Variants in CNOT4 observed in about 807,000 individuals in gnomAD.
CNOT4 encodes the protein CCR4-NOT transcription complex subunit 4.
In CNOT4, 8 loss-of-function variants were observed where a neutral mutation model predicts 73.8. That is an observed-to-expected ratio of 0.11 (90% CI 0.06 to 0.20). The LOEUF (loss-of-function observed/expected upper bound fraction) is 0.20. Among genes scored for constraint, CNOT4 ranks in the 10% least tolerant of loss-of-function variants. The pLI is 1.00. For missense variants in CNOT4, 564 were observed against 883.4 expected (o/e 0.64, Z 4.58); for synonymous variants, 293 against 321.1 (o/e 0.91, Z 0.94).
chr7:135,447,880 A>G (rs1371197861), intron 1 of CNOT4, among the ~76,000 whole-genome samples: 2 of 152,206 alleles, frequency 1.3e-5, no homozygotes, highest in African/African-American at 2.4e-5. Flanking sequence ...CTGGCTAAGA[A>G]GCAATTTATG....
intron 1 of CNOT4, among the ~76,000 whole-genome samples, chr7:135,495,063 A>T (rs1239819522): frequency 6.6e-6 from 1 of 152,222 alleles, no homozygotes; most frequent in Non-Finnish European, 1.5e-5. Context: ...CAATTTTACA[A>T]GGCAGAAAAC....
intron 10 of CNOT4, among the ~76,000 whole-genome samples, chr7:135,382,112 A>G (rs1795875740): frequency 6.6e-6 from 1 of 152,198 alleles, no homozygotes; most frequent in African/African-American, 2.4e-5. Context: ...ACATCTGGGT[A>G]CTTCAGTCCA....
At chr7:135,386,517 T>G (rs1796131481) in intron 10 of CNOT4, 1 of 152,232 alleles carries the variant, frequency 6.6e-6, no homozygotes, top group Non-Finnish European at 1.5e-5. Context: ...ATGTGTTGTA[T>G]AATTTCTTCT....
chr7:135,505,099 C>G (rs1411004798), intron 1 of CNOT4, among the ~76,000 whole-genome samples: 3 of 152,110 alleles, frequency 2.0e-5, no homozygotes, highest in African/African-American at 7.2e-5. Flanking sequence ...ATTTTAGTAG[C>G]CATACTTTAA....
chr7:135,370,154 C>A (rs1271192431), intron 10 of CNOT4, among the ~76,000 whole-genome samples: 1 of 152,190 alleles, frequency 6.6e-6, no homozygotes, highest in Non-Finnish European at 1.5e-5. Context: ...CAATACTCCA[C>A]TAGGTCACAG....
At chr7:135,447,954 G>A (rs1315230259) in intron 1 of CNOT4, among the ~76,000 whole-genome samples, 1 of 152,128 alleles carries the variant, frequency 6.6e-6, no homozygotes, top group East Asian at 1.9e-4. Context: ...AAAAAGCTGG[G>A]TGTGGTCAGA....
chr7:135,384,093 T>A (rs549515371), intron 10 of CNOT4, among the ~76,000 whole-genome samples: 2 of 152,296 alleles, frequency 1.3e-5, no homozygotes, highest in Admixed American at 1.3e-4. Flanking sequence ...TCTGGGCTTA[T>A]TCTCACAAAA....
At chr7:135,472,060 C>T (rs1156455878) in intron 1 of CNOT4, among the ~76,000 whole-genome samples, 1 of 152,050 alleles carries the variant, frequency 6.6e-6, no homozygotes, top group African/African-American at 2.4e-5. Context: ...GTAGCCCCAG[C>T]TACTTGGGGG....
At chr7:135,395,323 G>C (rs548347909) in intron 9 of CNOT4, among the ~76,000 whole-genome samples, 41 of 152,080 alleles carry the variant, frequency 2.7e-4, no homozygotes, top group African/African-American at 9.4e-4. Context: ...ACTCCAGCCT[G>C]GGCGAGAGAC....
chr7:135,372,898 G>A (rs1291592246), intron 10 of CNOT4, among the ~76,000 whole-genome samples: 2 of 152,116 alleles, frequency 1.3e-5, no homozygotes, highest in Non-Finnish European at 2.9e-5. Context: ...AAAAAAGATC[G>A]GGAAAAGGAT....
At chr7:135,497,772 T>C (rs898339451) in intron 1 of CNOT4, among the ~76,000 whole-genome samples, 1 of 152,240 alleles carries the variant, frequency 6.6e-6, no homozygotes, top group Non-Finnish European at 1.5e-5. Context: ...TACTCTCTGA[T>C]TCAAGGGAAT....
At chr7:135,371,551 G>T (rs1795204160) in intron 10 of CNOT4, among the ~76,000 whole-genome samples, 1 of 151,954 alleles carries the variant, frequency 6.6e-6, no homozygotes, top group South Asian at 2.1e-4. Context: ...AAATACAGTG[G>T]GAACATTTCA....
rs117910194 is a variant in CNOT4, at chr7:135,456,200, T to G, written c.-92-17777A>C. Among the ~76,000 whole-genome samples the G allele has an allele frequency of 8.2e-3, 1,256 of 152,320 alleles. 7 individuals carry two copies. Among genetic ancestry groups the G allele is most frequent in the Middle Eastern group, 0.031 (9 of 292 alleles). ...TTCCAATAAAACTATCTACGGACAT[T>G]GAAAACTGAATTTCAGTTAATTTTC... On this transcript the variant is annotated intron_variant, in intron 1 of 11. Coordinates refer to ENST00000541284, the MANE Select transcript of CNOT4 (RefSeq NM_001190850.2).
chr7:135,427,140 A>T (rs1000316923), intron 2 of CNOT4, among the ~76,000 whole-genome samples: 2 of 152,168 alleles, frequency 1.3e-5, no homozygotes, highest in African/African-American at 4.8e-5. Context: ...CTGCCAAATT[A>T]CTAGTTAACA....
rs2129482302 is a variant in CNOT4, at chr7:135,363,045, C to T, written c.1982G>A (p.Ser661Asn). The T allele has an allele frequency of 6.2e-7, 1 of 1,612,654 alleles. No homozygotes were observed. Among genetic ancestry groups the T allele is most frequent in the South Asian group, 1.1e-5 (1 of 90,976 alleles). The change falls in exon 12 of 12, where the codon AGC becomes AAC. Residue 661 changes from serine (S) to asparagine (N), a missense_variant. Ser to Asn is a conservative substitution (Grantham distance 46). Coordinates refer to ENST00000541284, the MANE Select transcript of CNOT4 (RefSeq NM_001190850.2). This position sits in a 1 kb window ranked among gnomAD's most constrained non-coding sequence, Gnocchi z 4.3. ...PSQTHHSAPF[S>N]TQIPLHRASW... is the part of the protein sequence containing the mutation. ...GGCTCTGTGCAGCGGGATCTGTGTG[C>T]TGAAGGGGGCGCTGTGGTGGGTCTG...
At chr7:135,492,164 T>C (rs946609923) in intron 1 of CNOT4, among the ~76,000 whole-genome samples, 2 of 152,118 alleles carry the variant, frequency 1.3e-5, no homozygotes, top group African/African-American at 2.4e-5. Flanking sequence ...AAGTCATCTA[T>C]GAGAGGGGAG....
At chr7:135,472,780 C>A (rs570148584) in intron 1 of CNOT4, among the ~76,000 whole-genome samples, 1 of 151,804 alleles carries the variant, frequency 6.6e-6, no homozygotes, top group South Asian at 2.1e-4. Flanking sequence ...TAGCTCATAC[C>A]TACAATCCTA....
chr7:135,441,870 G>C (rs1376678348), intron 1 of CNOT4, among the ~76,000 whole-genome samples: 1 of 152,146 alleles, frequency 6.6e-6, no homozygotes, highest in African/African-American at 2.4e-5. Flanking sequence ...AAGGGACAAA[G>C]GAGAAAGAAA....
chr7:135,388,450 T>C (rs1796232979), intron 10 of CNOT4: 4 of 985,976 alleles, frequency 4.1e-6, no homozygotes, highest in South Asian at 4.7e-5. Flanking sequence ...AACAAGATAC[T>C]ACCATTACCT....
Sources: allele counts gnomAD v4.1 joint callset (sites outside exome capture counted in the v4.1 genomes callset), GRCh38; gene constraint gnomAD v4.1.1; non-coding constraint Gnocchi (gnomAD v3.1); transcripts MANE v1.5; gene names NCBI Gene and HGNC (gene_info 2026-07-23, HGNC 2026-07-21).